Variants in ZNF521 observed in about 807,000 individuals in gnomAD.
The protein encoded by ZNF521 is zinc finger protein 521, also known as LYST-interacting protein 3.
ZNF521 carries 14 observed loss-of-function variants against 105.5 expected under a neutral mutation model. The observed-to-expected ratio is 0.13, with a 90% CI of 0.09 to 0.21. ZNF521 has a LOEUF of 0.21. Among genes scored for constraint, ZNF521 ranks in the 10% least tolerant of loss-of-function variants. The pLI is 1.00. For missense variants in ZNF521, 1,233 were observed against 1,629.7 expected (o/e 0.76, Z 4.19); for synonymous variants, 635 against 606.0 (o/e 1.05, Z -0.70).
chr18:25,306,264 C>T (rs555327518), intron 3 of ZNF521, among the ~76,000 whole-genome samples: 20 of 151,860 alleles, frequency 1.3e-4, no homozygotes, highest in African/African-American at 1.9e-4. Flanking sequence ...TAAAATAATA[C>T]GAAGGGAGAT....
intron 1 of ZNF521, 78 bp from the exon 2 acceptor site, chr18:25,351,025 G>T: frequency 3.3e-6 from 4 of 1,226,036 alleles, no homozygotes; most frequent in South Asian, 1.7e-5. Flanking sequence ...CGCCCCTCGG[G>T]CCGCGGCGCC....
At chr18:25,255,811 A>T (rs1600220021) in intron 3 of ZNF521, among the ~76,000 whole-genome samples, 1 of 152,108 alleles carries the variant, frequency 6.6e-6, no homozygotes, top group East Asian at 1.9e-4. Flanking sequence ...AAATGAAAGC[A>T]CAGTCTCAAA....
chr18:25,086,074 A>C (rs916838662), intron 7 of ZNF521, among the ~76,000 whole-genome samples: 1 of 152,254 alleles, frequency 6.6e-6, no homozygotes, highest in Non-Finnish European at 1.5e-5. Flanking sequence ...GGCATAAAAA[A>C]GTAGATGAGT....
At chr18:25,124,935 A>G (rs541142922) in intron 5 of ZNF521, among the ~76,000 whole-genome samples, 1 of 152,256 alleles carries the variant, frequency 6.6e-6, no homozygotes, top group South Asian at 2.1e-4. Flanking sequence ...GTAGTTTTAT[A>G]TTGCTTATGG....
intron 7 of ZNF521, among the ~76,000 whole-genome samples, chr18:25,071,099 C>T (rs1395751195): frequency 6.6e-6 from 1 of 152,052 alleles, no homozygotes; most frequent in African/African-American, 2.4e-5. Context: ...CTTGCTATAC[C>T]ATGCTTGAGT....
At chr18:25,326,898 A>G (rs1458935423) in intron 2 of ZNF521, among the ~76,000 whole-genome samples, 1 of 152,204 alleles carries the variant, frequency 6.6e-6, no homozygotes, top group Non-Finnish European at 1.5e-5. Context: ...TTGTTCTCTG[A>G]TCATAGCCAG....
intron 2 of ZNF521, chr18:25,322,469 T>C (rs1912983891): frequency 2.3e-6 from 1 of 440,432 alleles, no homozygotes; most frequent in South Asian, 2.3e-5. Flanking sequence ...TTACCATTTT[T>C]TTCATAGCCT....
chr18:25,254,851 T>G (rs957562509), intron 3 of ZNF521, among the ~76,000 whole-genome samples: 1 of 152,068 alleles, frequency 6.6e-6, no homozygotes, highest in African/African-American at 2.4e-5. Context: ...CCCTTGGACT[T>G]CTATAATGGA....
intron 3 of ZNF521, among the ~76,000 whole-genome samples, chr18:25,318,880 T>C (rs1032121519): frequency 1.3e-5 from 2 of 151,960 alleles, no homozygotes; most frequent in African/African-American, 2.4e-5. Context: ...ACCTATAGCA[T>C]TGAGCATACA....
chr18:25,115,872 T>C (rs1011002290), intron 5 of ZNF521, among the ~76,000 whole-genome samples: 2 of 152,096 alleles, frequency 1.3e-5, no homozygotes, highest in Non-Finnish European at 2.9e-5. Flanking sequence ...CTGACTCCAG[T>C]GAGTTTACAA....
intron 3 of ZNF521, among the ~76,000 whole-genome samples, chr18:25,266,179 T>G (rs1026347688): frequency 6.6e-6 from 1 of 152,144 alleles, no homozygotes; most frequent in Non-Finnish European, 1.5e-5. Context: ...TTAAACTAAC[T>G]TATAAAGAGT....
chr18:25,340,533 A>G (rs1914138931), intron 2 of ZNF521, among the ~76,000 whole-genome samples: 1 of 152,160 alleles, frequency 6.6e-6, no homozygotes, highest in Non-Finnish European at 1.5e-5. Context: ...TTGTTCCATC[A>G]GCTATAACTC....
chr18:25,137,824 G>A (rs903776249), intron 5 of ZNF521, among the ~76,000 whole-genome samples: 1 of 152,166 alleles, frequency 6.6e-6, no homozygotes, highest in African/African-American at 2.4e-5. Context: ...CCATGTGTTA[G>A]TTAGTAAGTG....
intron 3 of ZNF521, among the ~76,000 whole-genome samples, chr18:25,303,178 T>G (rs1436364267): frequency 6.6e-6 from 1 of 152,116 alleles, no homozygotes; most frequent in Non-Finnish European, 1.5e-5. Context: ...GAAAAAAGTC[T>G]TGGTGCCTAA....
intron 5 of ZNF521, among the ~76,000 whole-genome samples, chr18:25,097,568 A>G (rs2033879701): frequency 6.6e-6 from 1 of 152,086 alleles, no homozygotes; most frequent in Non-Finnish European, 1.5e-5. Flanking sequence ...CACTGTCAGT[A>G]TTTCTACGCC....
At chr18:25,223,264 G>A (rs1905854609) in intron 4 of ZNF521, among the ~76,000 whole-genome samples, 1 of 152,190 alleles carries the variant, frequency 6.6e-6, no homozygotes, top group African/African-American at 2.4e-5. Flanking sequence ...GGAGAAGGGG[G>A]AAAGTGGCTT....
At chr18:25,284,378 G>A (rs746699329) in intron 3 of ZNF521, among the ~76,000 whole-genome samples, 22 of 151,940 alleles carry the variant, frequency 1.4e-4, no homozygotes, top group Non-Finnish European at 2.5e-4. Flanking sequence ...ATGCACAACC[G>A]AGTCTGAAGC....
chr18:25,247,484 G>T (rs1316326970), intron 3 of ZNF521, among the ~76,000 whole-genome samples: 3 of 152,182 alleles, frequency 2.0e-5, no homozygotes, highest in African/African-American at 7.2e-5. Flanking sequence ...ACTGCCTGGA[G>T]ATCTTTTTAA....
At chr18:25,112,219 C>A (rs2144304256) in intron 5 of ZNF521, among the ~76,000 whole-genome samples, 1 of 152,354 alleles carries the variant, frequency 6.6e-6, no homozygotes, top group East Asian at 1.9e-4. Context: ...AAATGAATCT[C>A]TTTAATAATA....
Sources: gnomAD v4.1 joint callset for allele counts (sites outside exome capture counted in the v4.1 genomes callset) on GRCh38, gnomAD v4.1.1 for gene constraint, MANE v1.5 for transcripts, NCBI Gene and HGNC (gene_info 2026-07-23, HGNC 2026-07-21) for gene names.